MEAK7: variants seen among roughly 807,000 people sequenced by gnomAD.
The protein encoded by MEAK7 is MTOR associated protein MEAK7, also known as MTOR-associated protein MEAK7.
In MEAK7, 68 loss-of-function variants were observed where a neutral mutation model predicts 40.5. The ratio of observed to expected loss-of-function variants is 1.68; its 90% CI spans 1.38 to 2.06. The LOEUF is 2.06. MEAK7 is among the 30% of genes most tolerant of loss of function. MEAK7 has a pLI of 0.00. For missense variants in MEAK7, 918 were observed against 580.5 expected, an observed-to-expected ratio of 1.58 and a Z score of -5.98; for synonymous variants, 338 against 231.9, an observed-to-expected ratio of 1.46 and a Z score of -4.16.
intron 6 of MEAK7, 64 bp downstream of exon 6, chr16:84,482,528 G>C: frequency 1.9e-6 from 3 of 1,612,000 alleles, no homozygotes; most frequent in Non-Finnish European, 2.5e-6. Flanking sequence ...GCTGAGCCTC[G>C]GGGTTGACAC....
chr16:84,489,262 G>T lies in MEAK7; in HGVS notation c.529+16C>A, dbSNP rs777520211. ...TACAGCAAAAGACCTGCATCACCGC[G>T]TCCACGCACACTTGCCTTGCAGCTT... On this transcript the variant is annotated intron_variant, in intron 4 of 7. Coordinates refer to ENST00000343629, the MANE Select transcript of MEAK7 (RefSeq NM_020947.4). 17 of 1,613,156 alleles carry T rather than the reference G, an allele frequency of 1.1e-5. No individual in the cohort carries two copies. The highest frequency in any genetic ancestry group is 1.2e-5 in the Non-Finnish European group (14 of 1,179,548).
chr16:84,495,804 T>C lies in MEAK7; in HGVS notation c.263A>G (p.Gln88Arg), dbSNP rs758698054. The change falls in exon 3 of 8, where the codon CAG becomes CGG. Residue 88 changes from glutamine to arginine, a missense_variant. Transcript: ENST00000343629. The stretch of plus-strand genomic sequence containing the variant: ...GGACATGGATGCTGTGAACTGCTCC[T>C]GGGACACGTTCTCACTGGGTCCCTT... ...KAKGPSENVS[Q>R]EQFTASMSHL... 13 of 1,614,136 alleles carry C rather than the reference T, an allele frequency of 8.1e-6. No individual in the cohort carries two copies. The South Asian group carries it at 1.4e-4, about 18-fold the overall frequency.
At chr16:84,492,357 T>G (rs1167190115) in intron 3 of MEAK7, among the ~76,000 whole-genome samples, 2 of 152,134 alleles carry the variant, frequency 1.3e-5, no homozygotes, top group Non-Finnish European at 2.9e-5. Context: ...TCAAGATGAT[T>G]AAAATTTAAT....
chr16:84,481,853 G>T (rs538330670), intron 6 of MEAK7, among the ~76,000 whole-genome samples: 1 of 152,162 alleles, frequency 6.6e-6, no homozygotes, highest in African/African-American at 2.4e-5. Flanking sequence ...AGAATGGCGT[G>T]AACCTGGGAG....
Position 84,480,954 on chromosome 16 carries a change from G to A in MEAK7, c.1078-246C>T, listed in dbSNP as rs796557426. Among the ~76,000 whole-genome samples the A allele has an allele frequency of 1.8e-4, 27 of 152,334 alleles. 4 individuals carry two copies. Among genetic ancestry groups the A allele is most frequent in the South Asian group, 4.1e-4 (2 of 4,832 alleles). On this transcript the variant is annotated intron_variant, in intron 6 of 7. Coordinates refer to ENST00000343629, the MANE Select transcript of MEAK7 (RefSeq NM_020947.4). Reference sequence around the variant, plus strand: ...CACCCACCCCATGGCTCTTTCTCAAGAAGATTTGCTGGCTGAAAGCACAAG... The same window carrying A: ...CACCCACCCCATGGCTCTTTCTCAAAAAGATTTGCTGGCTGAAAGCACAAG...
In MEAK7 at chr16:84,497,994, C is replaced by G. The variant is rs1914195661; in HGVS notation, c.93G>C (p.Leu31=). The change falls in exon 2 of 8, where the codon CTG becomes CTC. Residue 31 remains leucine (L), a synonymous_variant. Coordinates refer to ENST00000343629, the MANE Select transcript of MEAK7 (RefSeq NM_020947.4). ...CATTCGGGCTGTTTTTATCTGATGACAGAGCATCAAACAATTGATCAATCT... is the reference window on the plus strand; with the variant it reads ...CATTCGGGCTGTTTTTATCTGATGAGAGAGCATCAAACAATTGATCAATCT... ...QAEIDQLFDA[L]SSDKNSPNVS... 6.2e-7 allele frequency: 1 copy of G among 1,614,056 alleles called. No individual in the cohort carries two copies. The highest frequency in any genetic ancestry group is 2.2e-5 in the East Asian group (1 of 44,892).
intron 1 of MEAK7, chr16:84,502,959 C>A (rs952178782): frequency 6.6e-6 from 1 of 152,200 alleles, no homozygotes; most frequent in Non-Finnish European, 1.5e-5. Flanking sequence ...CTGGGCCCAT[C>A]TGTGTACCTC....
rs1912348050 is a variant in MEAK7 at position 84,479,779 on chromosome 16, T to C, written c.*134A>G. 9 of 501,488 alleles carry C rather than the reference T, an allele frequency of 1.8e-5. No individual in the cohort carries two copies. The highest frequency in any genetic ancestry group is 6.5e-5 in the South Asian group (1 of 15,346). The allele number at this position is 501,488 out of a possible 1,614,324, so 31.1% of individuals were successfully genotyped here. A position where few individuals can be genotyped will look rare whatever the true frequency, so the allele number is the denominator to read the frequency against. ...CTTCAGAGGGCGTCTTCTTGGCACA[T>C]GTGGGACTACCAGGCTGTGACCCGT... On this transcript the variant is annotated 3_prime_UTR_variant, in exon 8 of 8. Transcript: ENST00000343629.
intron 3 of MEAK7, among the ~76,000 whole-genome samples, chr16:84,491,237 C>T (rs1333145382): frequency 1.3e-5 from 2 of 151,652 alleles, no homozygotes; most frequent in South Asian, 4.2e-4. Context: ...GTCAGGAGTT[C>T]GAGACCAGTC....
Position 84,486,625 on chromosome 16 carries a change from TCTTAC to T in MEAK7, c.958+1_958+5del, listed in dbSNP as rs1913081562. ...ACTCGTCAAGGTTCAGGACACCAAGTCTTACCTTGAAACTGAGGCTTCACCTCCCA... is the reference window on the plus strand; with the variant it reads ...ACTCGTCAAGGTTCAGGACACCAAGTCTTGAAACTGAGGCTTCACCTCCCA... On this transcript the variant is annotated splice_donor_variant and splice_donor_5th_base_variant and intron_variant, in intron 5 of 7. Transcript: ENST00000343629. LOFTEE classifies it high-confidence loss of function. The T allele has an allele frequency of 6.3e-7, 1 of 1,596,656 alleles. No homozygotes were observed. The highest frequency in any genetic ancestry group is 1.3e-5 in the African/African-American group (1 of 74,372).
chr16:84,481,636 A>G (rs11641572), intron 6 of MEAK7, among the ~76,000 whole-genome samples: 3,642 of 152,224 alleles, frequency 0.024, 142 homozygotes, highest in East Asian at 0.14. Context: ...GATTTTCCCA[A>G]TAAGAGCTTT....
At position 84,477,469 on chromosome 16, in the gene MEAK7, G is replaced by A. The variant is rs1477994459; in HGVS notation, c.*2444C>T. 2.0e-5 allele frequency: 3 copies of A among 152,266 alleles called. No homozygotes were observed. The highest frequency in any genetic ancestry group is 1.5e-5 in the Non-Finnish European group (1 of 68,040). 9.4% of individuals were successfully genotyped at this position (152,266 alleles called of 1,614,324 possible). Reference sequence around the variant, plus strand: ...GCCTCCCAAAGTGCTGGGATTACAGGCGTGAGCCACCGCACCCGGCCCCAG... The same window carrying A: ...GCCTCCCAAAGTGCTGGGATTACAGACGTGAGCCACCGCACCCGGCCCCAG... On this transcript the variant is annotated 3_prime_UTR_variant, in exon 8 of 8. Coordinates refer to ENST00000343629, the MANE Select transcript of MEAK7 (RefSeq NM_020947.4).
chr16:84,479,904 G>C lies in MEAK7; in HGVS notation c.*9C>G. 1 of 1,587,390 alleles carries C rather than the reference G, an allele frequency of 6.3e-7. No individual in the cohort carries two copies. Among genetic ancestry groups the C allele is most frequent in the Non-Finnish European group, 8.6e-7 (1 of 1,162,070 alleles). ...CAGGTCCTGGCTCCAGGAAGGCTCA[G>C]GCGGCTCCTCATTCATCGTCCGGGA... On this transcript the variant is annotated 3_prime_UTR_variant, in exon 8 of 8. Coordinates refer to ENST00000343629, the MANE Select transcript of MEAK7 (RefSeq NM_020947.4).
intron 1 of MEAK7, 135 bp from the exon 2 acceptor site, chr16:84,498,246 A>G (rs1002374244): frequency 2.6e-5 from 28 of 1,088,978 alleles, no homozygotes; most frequent in African/African-American, 1.4e-4. Flanking sequence ...TCAGAGCTAC[A>G]TAATACTGGG....
At position 84,489,421 on chromosome 16, in the gene MEAK7, A is replaced by T; in HGVS notation, c.386T>A (p.Phe129Tyr). 1 of 1,608,628 alleles carries T rather than the reference A, an allele frequency of 6.2e-7. No homozygotes were observed. The highest frequency in any genetic ancestry group is 1.1e-5 in the South Asian group (1 of 90,488). Residue 129 changes from phenylalanine (F) to tyrosine (Y), a missense_variant and splice_region_variant, in exon 4 of 8, where the codon TTT becomes TAT. By Grantham distance (22) the Phe-to-Tyr change is conservative (BLOSUM62 3). Coordinates refer to ENST00000343629, the MANE Select transcript of MEAK7 (RefSeq NM_020947.4). ...GPVKAREVQK[F>Y]TEDLVGSVVH... ...CACAGAGCCAACCAGATCCTCTGTA[A>T]ACTGTAAGATCACAATTTTACCATT...
At chr16:84,501,383 C>A (rs1914494195) in intron 1 of MEAK7, among the ~76,000 whole-genome samples, 1 of 152,036 alleles carries the variant, frequency 6.6e-6, no homozygotes, top group Admixed American at 6.6e-5. Flanking sequence ...CCTGACTCCA[C>A]CCAGCCCCTC....
At chr16:84,504,035 C>T (rs1914701157) in intron 1 of MEAK7, 1 of 985,566 alleles carries the variant, frequency 1.0e-6, no homozygotes, top group Non-Finnish European at 1.2e-6. Context: ...AGCCCAGAGG[C>T]CCTTGTGCGA....
In MEAK7 at chr16:84,480,631, G is replaced by A. The variant is rs747406123; in HGVS notation, c.1155C>T (p.Pro385=). The A allele has an allele frequency of 6.2e-7, 1 of 1,614,042 alleles. No individual in the cohort carries two copies. Among genetic ancestry groups the A allele is most frequent in the South Asian group, 1.1e-5 (1 of 91,074 alleles). The change falls in exon 7 of 8, where the codon CCC becomes CCT. Residue 385 remains proline (P), a synonymous_variant. Coordinates refer to ENST00000343629, the MANE Select transcript of MEAK7 (RefSeq NM_020947.4). ...GCGGGCTGTTGTACGTGGTGCACGT[G>A]GGCTTGGCTCTGCTGTGTCCTTTCC... ...DFGKGHSRAK[P]TCTTYNSPQL... is the part of the protein sequence containing the mutation.
intron 5 of MEAK7, among the ~76,000 whole-genome samples, chr16:84,482,939 G>T (rs764039358): frequency 1.2e-4 from 19 of 152,216 alleles, no homozygotes; most frequent in Non-Finnish European, 2.4e-4. Flanking sequence ...ACATCTTTTA[G>T]CTCTGGCCAG....
Sources: gnomAD v4.1 joint callset for allele counts (sites outside exome capture counted in the v4.1 genomes callset) on GRCh38, gnomAD v4.1.1 for gene constraint, MANE v1.5 for transcripts, NCBI Gene and HGNC (gene_info 2026-07-23, HGNC 2026-07-21) for gene names.